The following NBPF15 variants were observed in gnomAD, a reference collection of about 807,000 sequenced individuals.
NBPF15 encodes NBPF member 15.
A neutral mutation model predicts 62.2 loss-of-function variants in NBPF15; 74 were observed. That is an observed-to-expected ratio of 1.19 (90% CI 0.99 to 1.44). The LOEUF (loss-of-function observed/expected upper bound fraction) is 1.44, where lower values mean the gene tolerates loss of function less well. NBPF15 is among the 40% of genes most tolerant of loss of function. The pLI, the probability that NBPF15 is intolerant of heterozygous loss-of-function variation, is 0.00. For missense variants in NBPF15, 790 were observed against 550.0 expected, an observed-to-expected ratio of 1.44 and a Z score of -4.36; for synonymous variants, 244 against 209.7, an observed-to-expected ratio of 1.16 and a Z score of -1.41.
intron 4 of NBPF15, among the ~76,000 whole-genome samples, chr1:144,452,222 C>A (rs1553545705): frequency 6.6e-6 from 1 of 151,948 alleles, no homozygotes; most frequent in Admixed American, 6.6e-5. Context: ...AATGTATCAT[C>A]TCAATTTTAA....
chr1:144,427,349 A>C (rs1172271866), intron 16 of NBPF15, among the ~76,000 whole-genome samples: 2 of 127,754 alleles, frequency 1.6e-5, no homozygotes, highest in Admixed American at 1.6e-4. Context: ...AAGTTTGTGC[A>C]AATGGTTATG....
rs1691390777 is a variant in NBPF15 at position 144,451,872 on chromosome 1, G to A, written c.-431-1002C>T. Reference sequence around the variant, plus strand: ...ATCTCTTTCTTTTCCCCACAGTTCAGGTCAGGCCGTGGCTCATGTCTGTAA... The same window carrying A: ...ATCTCTTTCTTTTCCCCACAGTTCAAGTCAGGCCGTGGCTCATGTCTGTAA... On this transcript the variant is annotated intron_variant, in intron 4 of 21. Transcript: ENST00000581897. 2.0e-5 allele frequency among the ~76,000 whole-genome samples: 3 copies of A among 151,756 alleles called. 1 individual carries two copies. Among genetic ancestry groups the A allele is most frequent in the Admixed American group, 2.0e-4 (3 of 15,232 alleles).
At chr1:144,437,508 G>A (rs587760493) in intron 9 of NBPF15, among the ~76,000 whole-genome samples, 42 of 148,812 alleles carry the variant, frequency 2.8e-4, no homozygotes, top group Middle Eastern at 3.4e-3. Flanking sequence ...CAGATGGGGT[G>A]AATTGAAAAG....
chr1:144,431,609 A>G (rs1460814707), intron 13 of NBPF15, among the ~76,000 whole-genome samples: 158 of 136,582 alleles, frequency 1.2e-3, no homozygotes, highest in African/African-American at 4.3e-3. Flanking sequence ...ATCATTTAAC[A>G]TTAGGTATAT....
chr1:144,457,171 G>A (rs1176394422), intron 3 of NBPF15, among the ~76,000 whole-genome samples: 5 of 151,942 alleles, frequency 3.3e-5, no homozygotes, highest in Non-Finnish European at 7.4e-5. Flanking sequence ...AAAATAAAGA[G>A]TCCTGACTAA....
chr1:144,434,150 C>T (rs1553540596), intron 12 of NBPF15, among the ~76,000 whole-genome samples: 1 of 150,278 alleles, frequency 6.7e-6, no homozygotes, highest in African/African-American at 2.5e-5. Context: ...GCAATACGGA[C>T]TTATATCACC....
rs1485195391 is a variant in NBPF15 at position 144,429,683 on chromosome 1, CACAATGGAGT to C, written c.988+7_988+16del. On this transcript the variant is annotated splice_region_variant and intron_variant, in intron 14 of 21. Coordinates refer to ENST00000581897, the MANE Select transcript of NBPF15 (RefSeq NM_001385408.1). ...CCATGAACTGGAGCTTTATCACCTT[CACAATGGAGT>C]ACTCACTGCCTATGTCAACAGCCAT... The C allele has an allele frequency of 1.7e-6, 1 of 597,384 alleles. No homozygotes were observed. The highest frequency in any genetic ancestry group is 2.9e-6 in the Non-Finnish European group (1 of 341,358). The allele number at this position is 597,384 out of a possible 1,614,324, so 37.0% of individuals were successfully genotyped here. A position where few individuals can be genotyped will look rare whatever the true frequency, so the allele number is the denominator to read the frequency against.
chr1:144,451,408 C>G (rs1456182731), intron 4 of NBPF15, among the ~76,000 whole-genome samples: 2 of 151,138 alleles, frequency 1.3e-5, no homozygotes, highest in Non-Finnish European at 3.0e-5. Context: ...AAGAGGCCTT[C>G]CTTCCTCTTT....
Position 144,440,496 on chromosome 1 carries a change from A to C in NBPF15, c.-190-201T>G, listed in dbSNP as rs1478682476. On this transcript the variant is annotated intron_variant, in intron 6 of 21. Coordinates refer to ENST00000581897, the MANE Select transcript of NBPF15 (RefSeq NM_001385408.1). ...ATGCCACAGACCCATGTCTTTCCCA[A>C]TACATCTAAGCATATTCCTCACTGT... 1.5e-4 allele frequency: 67 copies of C among 443,750 alleles called. No homozygotes were observed. The Middle Eastern group carries it at 1.8e-3, about 12-fold the overall frequency. 27.5% of individuals were successfully genotyped at this position (443,750 alleles called of 1,614,324 possible). A position where few individuals can be genotyped will look rare whatever the true frequency, so the allele number is the denominator to read the frequency against.
rs1269439081 is a variant in NBPF15, at chr1:144,434,083, T to C, written c.773-259A>G. Among the ~76,000 whole-genome samples the C allele has an allele frequency of 3.6e-4, 53 of 147,328 alleles. No homozygotes were observed. The East Asian group carries it at 9.4e-3, about 26-fold the overall frequency. ...CTGCCTGAGTCAAAGTTAAACAAAA[T>C]TTTTTCCCCAAAAAAATCTCCAAAA... On this transcript the variant is annotated intron_variant, in intron 12 of 21. Transcript: ENST00000581897.
intron 1 of NBPF15, 31 bp from the exon 2 acceptor site, chr1:144,460,992 A>T (rs1342533189): frequency 6.6e-6 from 1 of 150,988 alleles, no homozygotes; most frequent in Non-Finnish European, 1.5e-5. Flanking sequence ...AGAATCCCGG[A>T]GGCCAATAAA....
chr1:144,436,584 A>T (rs1365634090), intron 10 of NBPF15, among the ~76,000 whole-genome samples: 1 of 152,060 alleles, frequency 6.6e-6, no homozygotes, highest in Non-Finnish European at 1.5e-5. Context: ...TTCTTAGTCC[A>T]GAGCTCTTTT....
At chr1:144,438,877 C>T (rs1218488818) in intron 8 of NBPF15, among the ~76,000 whole-genome samples, 27 of 152,102 alleles carry the variant, frequency 1.8e-4, no homozygotes, top group Admixed American at 2.0e-4. Context: ...CACACATTCT[C>T]GGATGCGATC....
chr1:144,422,991 C>T lies in NBPF15; in HGVS notation c.*22G>A, dbSNP rs1666741735. The T allele has an allele frequency of 1.9e-6, 3 of 1,611,658 alleles. No individual in the cohort carries two copies. The highest frequency in any genetic ancestry group is 2.5e-6 in the Non-Finnish European group (3 of 1,179,620). On this transcript the variant is annotated 3_prime_UTR_variant, in exon 22 of 22. Coordinates refer to ENST00000581897, the MANE Select transcript of NBPF15 (RefSeq NM_001385408.1). The stretch of plus-strand genomic sequence containing the variant: ...TAGGTCCTGCCTGCAGGAATGACAT[C>T]TCTCGGCTTAGTAAGAGCTGCTTAT...
At chr1:144,454,982 C>CT (rs1314319482) in intron 4 of NBPF15, among the ~76,000 whole-genome samples, 2 of 150,586 alleles carry the variant, frequency 1.3e-5, no homozygotes, top group African/African-American at 2.4e-5. Flanking sequence ...GCAGTGTGGT[C>CT]TTTTTTAAAA....
chr1:144,426,740 C>G (rs1184007618), intron 17 of NBPF15, among the ~76,000 whole-genome samples: 1 of 151,658 alleles, frequency 6.6e-6, no homozygotes, highest in African/African-American at 2.4e-5. Flanking sequence ...TTAGTGCGCT[C>G]GGGACACACA....
intron 14 of NBPF15, among the ~76,000 whole-genome samples, 173 bp from the exon 15 acceptor site, chr1:144,428,830 G>A (rs1368945733): frequency 6.6e-6 from 1 of 151,892 alleles, no homozygotes; most frequent in Non-Finnish European, 1.5e-5. Flanking sequence ...AAACTGGCTT[G>A]GGTTCTTTCA....
rs147246913 is a variant in NBPF15 at position 144,423,145 on chromosome 1, G to T, written c.1881C>A (p.His627Gln). The T allele has an allele frequency of 9.9e-6, 16 of 1,611,622 alleles. No individual in the cohort carries two copies. The South Asian group carries it at 1.8e-4, about 18-fold the overall frequency. The change falls in exon 22 of 22, where the codon CAC becomes CAA. Residue 627 changes from histidine to glutamine, a missense_variant. By Grantham distance (24) the His-to-Gln change is conservative. Coordinates refer to ENST00000581897, the MANE Select transcript of NBPF15 (RefSeq NM_001385408.1). ...MYFEQPDSFQ[H>Q]YRSVFYSFEE... ...CAAATGAGTAAAACACACTTCTGTA[G>T]TGCTGGAATGAGTCAGGTTGTTCAA... is the stretch of plus-strand genomic sequence containing the variant.
chr1:144,454,949 TG>T (rs1263895700), intron 4 of NBPF15, among the ~76,000 whole-genome samples: 1 of 151,288 alleles, frequency 6.6e-6, no homozygotes, highest in African/African-American at 2.4e-5. Context: ...CCAGAGGTTT[TG>T]GTAAGTAATG....
Sources: allele counts gnomAD v4.1 joint callset (sites outside exome capture counted in the v4.1 genomes callset), GRCh38; gene constraint gnomAD v4.1.1; transcripts MANE v1.5; gene names NCBI Gene and HGNC (gene_info 2026-07-23, HGNC 2026-07-21).